SLC24A2: variants seen among roughly 807,000 people sequenced by gnomAD.
The protein encoded by SLC24A2 is sodium/potassium/calcium exchanger 2.
A neutral mutation model predicts 62.0 loss-of-function variants in SLC24A2; 36 were observed. The ratio of observed to expected loss-of-function variants is 0.58; its 90% CI spans 0.44 to 0.77. The LOEUF (loss-of-function observed/expected upper bound fraction) is 0.77, where lower values mean the gene tolerates loss of function less well. Ranked by LOEUF, SLC24A2 falls within the 30% of genes least tolerant of loss-of-function variation. The pLI, the probability that SLC24A2 is intolerant of heterozygous loss-of-function variation, is 0.00. For missense variants in SLC24A2, 846 were observed against 817.9 expected, an observed-to-expected ratio of 1.03 and a Z score of -0.42; for synonymous variants, 358 against 294.0, an observed-to-expected ratio of 1.22 and a Z score of -2.23.
At chr9:20,277,515 T>G in the SLC24A2 span, among the ~76,000 whole-genome samples, 1 of 151,638 alleles carries the variant, frequency 6.6e-6, no homozygotes, top group Non-Finnish European at 1.5e-5. Context: ...ATCAGAGAAA[T>G]GCAAATCAAA....
chr9:20,212,443 G>A, the SLC24A2 span, among the ~76,000 whole-genome samples: 6 of 151,744 alleles, frequency 4.0e-5, no homozygotes, highest in Admixed American at 2.0e-4. Flanking sequence ...TTGAGGTCAG[G>A]AGTTTGAGAC....
At chr9:20,268,033 G>T in the SLC24A2 span, among the ~76,000 whole-genome samples, 1 of 152,062 alleles carries the variant, frequency 6.6e-6, no homozygotes, top group Admixed American at 6.6e-5. Context: ...CCACAGCCAC[G>T]TTATCTGCTA....
At chr9:19,726,179 C>T (rs1016786112) in intron 2 of SLC24A2, among the ~76,000 whole-genome samples, 15 of 152,292 alleles carry the variant, frequency 9.8e-5, no homozygotes, top group Middle Eastern at 3.4e-3. Flanking sequence ...CTGGAGTCAC[C>T]TCTTTGCGCA....
the SLC24A2 span, among the ~76,000 whole-genome samples, chr9:20,236,669 G>T: frequency 1.3e-5 from 2 of 152,050 alleles, no homozygotes; most frequent in Non-Finnish European, 2.9e-5. Flanking sequence ...AGAAACCCCT[G>T]AATAATTGAA....
chr9:20,022,494 G>A, the SLC24A2 span, among the ~76,000 whole-genome samples: 1 of 152,144 alleles, frequency 6.6e-6, no homozygotes, highest in Non-Finnish European at 1.5e-5. Context: ...AGTCAATGAG[G>A]GTCACAGGCC....
the SLC24A2 span, among the ~76,000 whole-genome samples, chr9:19,845,104 C>G: frequency 6.6e-6 from 1 of 152,008 alleles, no homozygotes; most frequent in Non-Finnish European, 1.5e-5. Flanking sequence ...TTGCTTTGGG[C>G]AGTATGACCA....
Position 19,558,653 on chromosome 9 carries a change from A to C in SLC24A2, c.1348-8385T>G, listed in dbSNP as rs577431313. On this transcript the variant is annotated intron_variant, in intron 7 of 10. Transcript: ENST00000341998. ...TTTAGCAAGAACTGAAATAGGAGATAATTTTCAGACTTCAACATTCAGTGT... is the reference window on the plus strand; with the variant it reads ...TTTAGCAAGAACTGAAATAGGAGATCATTTTCAGACTTCAACATTCAGTGT... 3.3e-5 allele frequency among the ~76,000 whole-genome samples: 5 copies of C among 152,314 alleles called. No individual in the cohort carries two copies. The South Asian group carries it at 1.0e-3, about 32-fold the overall frequency.
chr9:19,550,967 C>T (rs1834814150), intron 7 of SLC24A2, among the ~76,000 whole-genome samples: 1 of 152,084 alleles, frequency 6.6e-6, no homozygotes, highest in African/African-American at 2.4e-5. Flanking sequence ...TTTATCATTT[C>T]TATGTGTGGT....
At position 19,511,072 on chromosome 9, in the gene SLC24A2, A is replaced by G. The variant is rs761880914; in HGVS notation, c.*5081T>C. 2 of 152,172 alleles carry G rather than the reference A, an allele frequency of 1.3e-5. No individual in the cohort carries two copies. The highest frequency in any genetic ancestry group is 2.9e-5 in the Non-Finnish European group (2 of 68,044). 9.4% of individuals were successfully genotyped at this position (152,172 alleles called of 1,614,324 possible). On this transcript the variant is annotated 3_prime_UTR_variant, in exon 11 of 11. Transcript: ENST00000341998. ...AAAACAGATTCCTTCCAGAGCAAAC[A>G]TGAGTGTGCCTGTGATTTCTACAGA...
intron 2 of SLC24A2, among the ~76,000 whole-genome samples, chr9:19,674,702 T>G (rs1443629844): frequency 6.6e-6 from 1 of 152,208 alleles, no homozygotes; most frequent in Non-Finnish European, 1.5e-5. Flanking sequence ...GTCCTTCCTT[T>G]CCAGAAGTTA....
At chr9:19,863,230 C>T in the SLC24A2 span, among the ~76,000 whole-genome samples, 2 of 152,050 alleles carry the variant, frequency 1.3e-5, no homozygotes, top group South Asian at 2.1e-4. Flanking sequence ...CTGGAGCACC[C>T]AGATACATAA....
At chr9:20,182,344 A>T in the SLC24A2 span, among the ~76,000 whole-genome samples, 1 of 152,242 alleles carries the variant, frequency 6.6e-6, no homozygotes, top group East Asian at 1.9e-4. Flanking sequence ...ACCTATGTTT[A>T]TTGTGGTACT....
At chr9:19,922,348 T>A in the SLC24A2 span, among the ~76,000 whole-genome samples, 1 of 152,210 alleles carries the variant, frequency 6.6e-6, no homozygotes, top group Non-Finnish European at 1.5e-5. Context: ...TGATGTTTTT[T>A]AAAAGCAGCC....
intron 2 of SLC24A2, among the ~76,000 whole-genome samples, chr9:19,638,806 C>T (rs551230721): frequency 2.7e-5 from 4 of 150,742 alleles, no homozygotes; most frequent in East Asian, 2.0e-4. Context: ...AGATGACATA[C>T]GTAAAATTCC....
chr9:20,124,719 A>T, the SLC24A2 span, among the ~76,000 whole-genome samples: 2 of 152,158 alleles, frequency 1.3e-5, no homozygotes, highest in Non-Finnish European at 2.9e-5. Flanking sequence ...TAAAAGTTTA[A>T]TGTGCCCCCA....
the SLC24A2 span, among the ~76,000 whole-genome samples, chr9:19,884,487 G>T: frequency 6.6e-6 from 1 of 152,118 alleles, no homozygotes; most frequent in African/African-American, 2.4e-5. Flanking sequence ...TTTTAAATTT[G>T]AAAGTTTTTC....
At chr9:19,989,335 T>C in the SLC24A2 span, among the ~76,000 whole-genome samples, 1 of 152,128 alleles carries the variant, frequency 6.6e-6, no homozygotes, top group Admixed American at 6.5e-5. Context: ...GAGGTGATAA[T>C]ACTACAATGA....
At chr9:19,776,806 G>T (rs1336519507) in intron 2 of SLC24A2, among the ~76,000 whole-genome samples, 1 of 152,146 alleles carries the variant, frequency 6.6e-6, no homozygotes, top group Non-Finnish European at 1.5e-5. Flanking sequence ...GCTTTGGCCT[G>T]GTTAGAATAT....
intron 2 of SLC24A2, among the ~76,000 whole-genome samples, chr9:19,739,413 T>A (rs1821607191): frequency 1.3e-5 from 2 of 152,254 alleles, no homozygotes; most frequent in East Asian, 3.9e-4. Context: ...AGAACAGAAC[T>A]CAGTAATGTA....
Sources: gnomAD v4.1 joint callset for allele counts (sites outside exome capture counted in the v4.1 genomes callset) on GRCh38, gnomAD v4.1.1 for gene constraint, MANE v1.5 for transcripts, NCBI Gene and HGNC (gene_info 2026-07-23, HGNC 2026-07-21) for gene names.